Variants in NBEAL1 observed in about 807,000 individuals in gnomAD.
The protein encoded by NBEAL1 is neurobeachin like 1.
In NBEAL1, 273 loss-of-function variants were observed where a neutral mutation model predicts 351.3. The ratio of observed to expected loss-of-function variants is 0.78; its 90% CI spans 0.70 to 0.86. NBEAL1 has a LOEUF of 0.86. Ranked by LOEUF, NBEAL1 falls within the 40% of genes least tolerant of loss-of-function variation. NBEAL1 has a pLI of 0.00. For synonymous variants in NBEAL1, 1,050 were observed against 1,086.4 expected, an observed-to-expected ratio of 0.97 and a Z score of 0.66; for missense variants, 2,961 against 3,201.3, an observed-to-expected ratio of 0.92 and a Z score of 1.81.
At chr2:203,041,461 C>T (rs1483734996) in intron 2 of NBEAL1, among the ~76,000 whole-genome samples, 2 of 152,138 alleles carry the variant, frequency 1.3e-5, no homozygotes, top group Non-Finnish European at 2.9e-5. Context: ...TGGCATGTCC[C>T]AGGAAACAGC....
intron 39 of NBEAL1, among the ~76,000 whole-genome samples, chr2:203,171,723 T>C (rs1035756096): frequency 1.3e-5 from 2 of 151,708 alleles, no homozygotes; most frequent in African/African-American, 4.8e-5. Flanking sequence ...TAGACTGTGG[T>C]ATAAGATTTA....
At chr2:203,181,344 CT>C (rs2064712230) in intron 43 of NBEAL1, 1 of 152,008 alleles carries the variant, frequency 6.6e-6, no homozygotes, top group Non-Finnish European at 1.5e-5. Context: ...TATTCTTTGA[CT>C]TTTTATAGGA....
intron 31 of NBEAL1, 46 bp downstream of exon 31, chr2:203,138,794 A>G: frequency 6.5e-7 from 1 of 1,542,114 alleles, no homozygotes; most frequent in South Asian, 1.3e-5. Context: ...CATGCAGCAT[A>G]GGTATTATTT....
intron 7 of NBEAL1, 49 bp downstream of exon 7, chr2:203,068,524 A>G (rs1419957987): frequency 9.9e-7 from 1 of 1,010,248 alleles, no homozygotes; most frequent in South Asian, 1.5e-5. Flanking sequence ...TCTTACTCTG[A>G]TTACTTTTTA....
At chr2:203,213,854 T>G (rs1272463514) in intron 55 of NBEAL1, 1 of 902,338 alleles carries the variant, frequency 1.1e-6, no homozygotes, top group Non-Finnish European at 1.3e-6. Flanking sequence ...AGCCCACCTT[T>G]GGCAATTCTA....
chr2:203,031,895 T>A (rs2060954414), intron 2 of NBEAL1, among the ~76,000 whole-genome samples: 1 of 152,250 alleles, frequency 6.6e-6, no homozygotes, highest in Admixed American at 6.5e-5. Context: ...CACTCTTGTA[T>A]ACAATCCCCT....
chr2:203,083,605 CA>C, intron 9 of NBEAL1, 80 bp downstream of exon 9: 4 of 1,109,646 alleles, frequency 3.6e-6, no homozygotes, highest in South Asian at 1.7e-5. Context: ...AATACAAGGC[CA>C]TTGTATGGAA....
Position 203,167,281 on chromosome 2 carries a change from G to T in NBEAL1, c.5918G>T (p.Arg1973Leu). The change falls in exon 38 of 56, where the codon CGG becomes CTG. Residue 1973 changes from arginine to leucine, a missense_variant. Coordinates refer to ENST00000683969, the MANE Select transcript of NBEAL1 (RefSeq NM_001378026.1). ...TCTCAAATTCGAGAGATTCATCTCC[G>T]GCGTTACAATTTAAGAAGATCAGCC... ...PHSQIREIHLRRYNLRRSALE... is the reference protein window; with the variant it reads ...PHSQIREIHLLRYNLRRSALE... 2 of 1,612,008 alleles carry T rather than the reference G, an allele frequency of 1.2e-6. No individual in the cohort carries two copies. The highest frequency in any genetic ancestry group is 1.7e-6 in the Non-Finnish European group (2 of 1,179,052).
intron 7 of NBEAL1, among the ~76,000 whole-genome samples, chr2:203,073,782 C>CT (rs2061720742): frequency 6.6e-6 from 1 of 151,828 alleles, no homozygotes; most frequent in Non-Finnish European, 1.5e-5. Flanking sequence ...AATTGCTCTT[C>CT]TTTTTCTAGC....
rs377645250 is a variant in NBEAL1, at chr2:203,144,694, A to C, written c.4943A>C (p.Glu1648Ala). Residue 1648 changes from glutamate (E) to alanine (A), a missense_variant, in exon 32 of 56, where the codon GAA becomes GCA. By Grantham distance (107) the Glu-to-Ala change is moderately radical. Transcript: ENST00000683969. ...DEACYILGKL[E>A]HVLSQSIKEQ... Reference sequence around the variant, plus strand: ...GCATGTTACATTTTAGGGAAGCTGGAACATGTTCTAAGTCAATCAATCAAG... The same window carrying C: ...GCATGTTACATTTTAGGGAAGCTGGCACATGTTCTAAGTCAATCAATCAAG... 1.9e-6 allele frequency: 3 copies of C among 1,614,018 alleles called. No individual in the cohort carries two copies. The highest frequency in any genetic ancestry group is 2.5e-6 in the Non-Finnish European group (3 of 1,180,010).
chr2:203,062,933 A>G lies in NBEAL1; in HGVS notation c.516-5460A>G, dbSNP rs950228872. ...TGATTCTGAAATTAAGTGGAAATTT[A>G]GAAGATATATATTTTCTTATTCATT... On this transcript the variant is annotated intron_variant, in intron 6 of 55. Coordinates refer to ENST00000683969, the MANE Select transcript of NBEAL1 (RefSeq NM_001378026.1). The surrounding 1 kb of genome is among the most constrained non-coding windows in gnomAD (Gnocchi z 4.2). Among the ~76,000 whole-genome samples the G allele has an allele frequency of 6.6e-6, 1 of 152,248 alleles. No individual in the cohort carries two copies. The highest frequency in any genetic ancestry group is 2.4e-5 in the African/African-American group (1 of 41,468).
At chr2:203,152,740 T>G (rs191919489) in intron 35 of NBEAL1, among the ~76,000 whole-genome samples, 94 of 152,090 alleles carry the variant, frequency 6.2e-4, no homozygotes, top group African/African-American at 2.1e-3. Flanking sequence ...AAATGTTGTT[T>G]ATCAAGAATC....
Position 203,016,229 on chromosome 2 carries a change from A to T in NBEAL1, c.-156A>T. 2.3e-6 allele frequency: 1 copy of T among 427,658 alleles called. No individual in the cohort carries two copies. Among genetic ancestry groups the T allele is most frequent in the Non-Finnish European group, 4.1e-6 (1 of 244,488 alleles). The allele number at this position is 427,658 out of a possible 1,614,324, so 26.5% of individuals were successfully genotyped here. ...TGCTGAAATTGCCTTTTTGTTTTTA[A>T]CCAGAGGACAGTCCATTTGTTTCAC... On this transcript the variant is annotated 5_prime_UTR_variant, in exon 2 of 56. Coordinates refer to ENST00000683969, the MANE Select transcript of NBEAL1 (RefSeq NM_001378026.1).
In NBEAL1 at chr2:203,135,764, T is replaced by C; in HGVS notation, c.3901T>C (p.Leu1301=). ...GCAAGACACCTTAGTTAGGCTTTTT[T>C]TAAAAGCAAAATTTGAAAACGGAAA... ...GWQDTLVRLF[L]KAKFENGNTL... The change falls in exon 28 of 56, where the codon TTA becomes CTA. Residue 1301 remains leucine (L), a synonymous_variant. Coordinates refer to ENST00000683969, the MANE Select transcript of NBEAL1 (RefSeq NM_001378026.1). 1.9e-6 allele frequency: 3 copies of C among 1,601,166 alleles called. No homozygotes were observed. Among genetic ancestry groups the C allele is most frequent in the Non-Finnish European group, 8.5e-7 (1 of 1,173,080 alleles).
At chr2:203,073,017 T>C (rs1226687652) in intron 7 of NBEAL1, among the ~76,000 whole-genome samples, 1 of 152,132 alleles carries the variant, frequency 6.6e-6, no homozygotes, top group Non-Finnish European at 1.5e-5. Context: ...CTATTATGAT[T>C]TTCTTAACAT....
chr2:203,111,827 A>G (rs1006585250), intron 15 of NBEAL1, among the ~76,000 whole-genome samples, 152 bp from the exon 16 acceptor site: 12 of 152,262 alleles, frequency 7.9e-5, no homozygotes, highest in African/African-American at 2.9e-4. Context: ...ACTATGGAAA[A>G]AATTGTTACT....
At chr2:203,198,813 T>C (rs1209929033) in intron 48 of NBEAL1, among the ~76,000 whole-genome samples, 7 of 149,118 alleles carry the variant, frequency 4.7e-5, no homozygotes, top group Non-Finnish European at 1.5e-5. Flanking sequence ...GCTGAGATCA[T>C]GCCACTGCAC....
chr2:203,214,045 G>A (rs1307056998), intron 55 of NBEAL1, among the ~76,000 whole-genome samples: 1 of 152,104 alleles, frequency 6.6e-6, no homozygotes, highest in Non-Finnish European at 1.5e-5. Flanking sequence ...TTTTGTAAAA[G>A]CATCATTTTT....
chr2:203,110,078 T>A, intron 14 of NBEAL1, 72 bp from the exon 15 acceptor site: 1 of 1,392,734 alleles, frequency 7.2e-7, no homozygotes, highest in Non-Finnish European at 9.7e-7. Context: ...GGCTTTATGG[T>A]TTTATGTACT....
Sources: gnomAD v4.1 joint callset for allele counts (sites outside exome capture counted in the v4.1 genomes callset) on GRCh38, gnomAD v4.1.1 for gene constraint, Gnocchi (gnomAD v3.1) non-coding constraint, MANE v1.5 for transcripts, NCBI Gene and HGNC (gene_info 2026-07-23, HGNC 2026-07-21) for gene names.